SCAP: variants seen among roughly 807,000 people sequenced by gnomAD.
SCAP encodes the protein sterol regulatory element-binding protein cleavage-activating protein.
In SCAP, 65 loss-of-function variants were observed where a neutral mutation model predicts 123.6. The ratio of observed to expected loss-of-function variants is 0.53; its 90% CI spans 0.43 to 0.65. The LOEUF (loss-of-function observed/expected upper bound fraction) is 0.65, where lower values mean the gene tolerates loss of function less well. Among genes scored for constraint, SCAP ranks in the 30% least tolerant of loss-of-function variants. SCAP has a pLI of 0.00. For missense variants in SCAP, 1,398 were observed against 1,712.5 expected (o/e 0.82, Z 3.24); for synonymous variants, 740 against 726.3 (o/e 1.02, Z -0.30).
chr3:47,433,233 C>T (rs1401050946), intron 3 of SCAP, among the ~76,000 whole-genome samples: 1 of 152,214 alleles, frequency 6.6e-6, no homozygotes, highest in Non-Finnish European at 1.5e-5. Context: ...TTCAGTATCG[C>T]TGGCCTGTAT....
chr3:47,445,874 ATTTTT>A (rs35996993), intron 1 of SCAP, among the ~76,000 whole-genome samples: 10 of 122,732 alleles, frequency 8.1e-5, no homozygotes, highest in Non-Finnish European at 1.6e-4. Flanking sequence ...CCCTGTCTCA[ATTTTT>A]TTTTTTTTTT....
At position 47,413,916 on chromosome 3, in the gene SCAP, A is replaced by G. The variant is rs1325448719; in HGVS notation, c.3778T>C (p.Cys1260Arg). 6.2e-7 allele frequency: 1 copy of G among 1,613,254 alleles called. No homozygotes were observed. The highest frequency in any genetic ancestry group is 1.7e-5 in the Admixed American group (1 of 60,024). Reference protein sequence around the residue: ...ILVLDNAAIVCNFGSELSLVY... With the variant: ...ILVLDNAAIVRNFGSELSLVY... The stretch of plus-strand genomic sequence containing the variant: ...AGGCTGAGCTCACTGCCAAAGTTGC[A>G]GACAATGGCAGCGTTGTCCAGCACC... The change falls in exon 23 of 23, where the codon TGC (cysteine) becomes CGC (arginine). Residue 1260 changes from cysteine to arginine, a missense_variant. Coordinates refer to ENST00000265565, the MANE Select transcript of SCAP (RefSeq NM_012235.4).
intron 1 of SCAP, among the ~76,000 whole-genome samples, chr3:47,452,688 C>G (rs996177851): frequency 6.6e-6 from 1 of 152,142 alleles, no homozygotes; most frequent in Non-Finnish European, 1.5e-5. Flanking sequence ...CTCCAGCTGA[C>G]AGTGATATGC....
Position 47,419,699 on chromosome 3 carries a change from G to A in SCAP, c.1569C>T (p.Gly523=), listed in dbSNP as rs1414277274. The A allele has an allele frequency of 1.3e-6, 2 of 1,520,712 alleles. No homozygotes were observed. The highest frequency in any genetic ancestry group is 4.5e-5 in the East Asian group (2 of 43,964). 94.2% of individuals were successfully genotyped at this position (1,520,712 alleles called of 1,614,324 possible). A position where few individuals can be genotyped will look rare whatever the true frequency, so the allele number is the denominator to read the frequency against. Residue 523 remains glycine, a synonymous_variant, in exon 13 of 23, where the codon GGC becomes GGT. Coordinates refer to ENST00000265565, the MANE Select transcript of SCAP (RefSeq NM_012235.4). This position sits in a 1 kb window ranked among gnomAD's most constrained non-coding sequence, Gnocchi z 5.0. ...CCAGGATGCCAATCCAGACAACGGT[G>A]CCAGCCTGCAGTGGGGCAGGGGGTA... is the stretch of plus-strand genomic sequence containing the variant. ...TRLAQRLIMA[G]TVVWIGILVY... is the part of the protein sequence containing the mutation.
intron 7 of SCAP, 58 bp from the exon 8 acceptor site, chr3:47,425,669 G>A: frequency 6.3e-7 from 1 of 1,590,770 alleles, no homozygotes; most frequent in Non-Finnish European, 8.6e-7. Context: ...GGCCCACTGG[G>A]GCTCCCGGGA....
intron 1 of SCAP, among the ~76,000 whole-genome samples, chr3:47,464,362 T>C (rs1010327711): frequency 6.6e-6 from 1 of 151,848 alleles, no homozygotes; most frequent in African/African-American, 2.4e-5. Flanking sequence ...TTGCCCAGGC[T>C]GGGACTGATT....
intron 1 of SCAP, among the ~76,000 whole-genome samples, chr3:47,470,336 A>G (rs1192053309): frequency 1.3e-5 from 2 of 152,224 alleles, no homozygotes; most frequent in Non-Finnish European, 2.9e-5. Flanking sequence ...TAGGGGACAT[A>G]GCCAATGAGG....
At chr3:47,454,785 A>G (rs968290442) in intron 1 of SCAP, among the ~76,000 whole-genome samples, 1 of 151,828 alleles carries the variant, frequency 6.6e-6, no homozygotes, top group Non-Finnish European at 1.5e-5. Flanking sequence ...TATATAAAAA[A>G]TAAATACAGA....
intron 1 of SCAP, among the ~76,000 whole-genome samples, chr3:47,453,740 T>C (rs1477295653): frequency 6.6e-6 from 1 of 152,096 alleles, no homozygotes; most frequent in Non-Finnish European, 1.5e-5. Context: ...CCCTCATGAA[T>C]ATCACAGTAA....
chr3:47,434,323 G>A (rs1447166598), intron 3 of SCAP, among the ~76,000 whole-genome samples: 1 of 152,210 alleles, frequency 6.6e-6, no homozygotes, highest in East Asian at 1.9e-4. Context: ...AGGGCACTTT[G>A]TCCACACCTG....
intron 8 of SCAP, 110 bp downstream of exon 8, chr3:47,425,375 G>A (rs1316984506): frequency 2.6e-6 from 3 of 1,172,144 alleles, no homozygotes; most frequent in Non-Finnish European, 3.5e-6. Flanking sequence ...AAACAACAAT[G>A]TGAAGACGTG....
At chr3:47,437,635 CGGGAGGCTTAAGT>C (rs1306932951) in intron 2 of SCAP, among the ~76,000 whole-genome samples, 1 of 151,302 alleles carries the variant, frequency 6.6e-6, no homozygotes, top group Non-Finnish European at 1.5e-5. Context: ...AGTCCCAGCT[CGGGAGGCTTAAGT>C]GGGAGGATCG....
chr3:47,475,270 G>A (rs557714020), intron 1 of SCAP, among the ~76,000 whole-genome samples: 1 of 152,160 alleles, frequency 6.6e-6, no homozygotes, highest in Admixed American at 6.5e-5. Context: ...GTTAAATACT[G>A]AGGTCATAAA....
chr3:47,458,997 G>A (rs1171333215), intron 1 of SCAP, among the ~76,000 whole-genome samples: 4 of 152,158 alleles, frequency 2.6e-5, no homozygotes, highest in African/African-American at 7.2e-5. Context: ...TAGAGATGGG[G>A]TTTCACCATG....
chr3:47,473,878 T>C (rs530455031), intron 1 of SCAP, among the ~76,000 whole-genome samples: 341 of 152,268 alleles, frequency 2.2e-3, no homozygotes, highest in Admixed American at 3.7e-3. Context: ...TGACAGTGAC[T>C]GAGGGAACGG....
rs560268315 is a variant in SCAP, at chr3:47,472,307, G to A, written c.-99+3492C>T. On this transcript the variant is annotated intron_variant, in intron 1 of 22. Coordinates refer to ENST00000265565, the MANE Select transcript of SCAP (RefSeq NM_012235.4). ...AAATTAGCCGGGCGCGGTGGCGGGC[G>A]CCTGTAGTCCCAGCTACTCGGGAGG... 1.1e-3 allele frequency among the ~76,000 whole-genome samples: 162 copies of A among 149,528 alleles called. 1 individual carries two copies. Among genetic ancestry groups the A allele is most frequent in the South Asian group, 9.9e-3 (47 of 4,734 alleles).
intron 2 of SCAP, among the ~76,000 whole-genome samples, chr3:47,435,360 T>C (rs1706528041): frequency 6.6e-6 from 1 of 152,098 alleles, no homozygotes; most frequent in Non-Finnish European, 1.5e-5. Context: ...GAAGCCCAAC[T>C]GGTAAAATAG....
At chr3:47,476,652 C>T (rs962181166), upstream of SCAP, among the ~76,000 whole-genome samples, 5 of 152,122 alleles carry the variant, frequency 3.3e-5, no homozygotes, top group Non-Finnish European at 5.9e-5. Context: ...GTGTCAGTTG[C>T]GGAGCTGGTA....
chr3:47,422,874 G>A (rs1258081217), intron 9 of SCAP: 2 of 213,886 alleles, frequency 9.4e-6, no homozygotes, highest in South Asian at 1.3e-4. Context: ...TCCAACCTCC[G>A]CATGTGGTTC....
Sources: gnomAD v4.1 joint callset for allele counts (sites outside exome capture counted in the v4.1 genomes callset) on GRCh38, gnomAD v4.1.1 for gene constraint, Gnocchi (gnomAD v3.1) non-coding constraint, MANE v1.5 for transcripts, NCBI Gene and HGNC (gene_info 2026-07-23, HGNC 2026-07-21) for gene names.